Variants in MDGA2 observed in about 807,000 individuals in gnomAD.
MDGA2 encodes the protein MAM domain-containing glycosylphosphatidylinositol anchor protein 2.
A neutral mutation model predicts 117.8 loss-of-function variants in MDGA2; 40 were observed. The observed-to-expected ratio is 0.34, with a 90% CI of 0.26 to 0.44. The LOEUF (loss-of-function observed/expected upper bound fraction) is 0.44. MDGA2 is among the 20% of genes least tolerant of loss of function. The pLI is 1.00. For synonymous variants in MDGA2, 452 were observed against 439.0 expected (o/e 1.03, Z -0.37); for missense variants, 1,123 against 1,250.6 (o/e 0.90, Z 1.54).
chr14:47,048,631 T>A (rs182508882), intron 7 of MDGA2, among the ~76,000 whole-genome samples: 2 of 152,126 alleles, frequency 1.3e-5, no homozygotes, highest in East Asian at 3.9e-4. Context: ...ACTGCCACCT[T>A]AATAAACATT....
intron 8 of MDGA2, among the ~76,000 whole-genome samples, chr14:46,996,037 G>T (rs569220882): frequency 6.6e-6 from 1 of 151,972 alleles, no homozygotes; most frequent in African/African-American, 2.4e-5. Flanking sequence ...CTAAGCCTGT[G>T]GTCATAAAAG....
intron 1 of MDGA2, among the ~76,000 whole-genome samples, chr14:47,305,899 T>G (rs979033654): frequency 6.6e-6 from 1 of 152,204 alleles, no homozygotes; most frequent in Non-Finnish European, 1.5e-5. Flanking sequence ...TCAGTGACAT[T>G]TAACCTAAGT....
chr14:47,143,972 G>T, intron 4 of MDGA2, 106 bp downstream of exon 4: 1 of 824,784 alleles, frequency 1.2e-6, no homozygotes, highest in Non-Finnish European at 1.8e-6. Context: ...TTTTTGAAAG[G>T]CCAGAATAGA....
chr14:47,626,107 C>G (rs1053424595), intron 1 of MDGA2, among the ~76,000 whole-genome samples: 3 of 152,184 alleles, frequency 2.0e-5, no homozygotes, highest in African/African-American at 7.2e-5. Context: ...TGATTAGATG[C>G]CCTCTTGGGT....
rs377206990 is a variant in MDGA2 at position 47,634,034 on chromosome 14, G to A, written c.280+40483C>T. Among the ~76,000 whole-genome samples the A allele has an allele frequency of 2.2e-3, 339 of 152,230 alleles. 10 individuals carry two copies. In the South Asian group the frequency reaches 0.03, roughly 13 times the overall value. Reference sequence around the variant, plus strand: ...TGTAGCCAGTAAGTGGATCCTTTAAGAAAGAAAATAAAGTACATATCTTTT... The same window carrying A: ...TGTAGCCAGTAAGTGGATCCTTTAAAAAAGAAAATAAAGTACATATCTTTT... On this transcript the variant is annotated intron_variant, in intron 1 of 16. Coordinates refer to ENST00000399232, the MANE Select transcript of MDGA2 (RefSeq NM_001113498.3).
At chr14:46,933,976 G>A (rs894260677) in intron 9 of MDGA2, among the ~76,000 whole-genome samples, 4 of 150,890 alleles carry the variant, frequency 2.7e-5, no homozygotes, top group African/African-American at 9.7e-5. Flanking sequence ...TGAAAAATAT[G>A]AGTAATACAT....
At chr14:46,939,750 T>C (rs192791342) in intron 9 of MDGA2, among the ~76,000 whole-genome samples, 4 of 152,318 alleles carry the variant, frequency 2.6e-5, no homozygotes, top group African/African-American at 9.6e-5. Context: ...CATTTTGTCC[T>C]TTCACAGACT....
At chr14:47,563,578 G>GTTTTTTTTTTTTTTTTTT (rs56244321) in intron 1 of MDGA2, among the ~76,000 whole-genome samples, 3 of 56,974 alleles carry the variant, frequency 5.3e-5, no homozygotes, top group Admixed American at 1.8e-4. Flanking sequence ...GCTTTTTTCT[G>GTTTTTTTTTTTTTTTTTT]TTTTTTTTTT....
At chr14:47,011,898 T>C (rs1887907157) in intron 8 of MDGA2, among the ~76,000 whole-genome samples, 1 of 152,040 alleles carries the variant, frequency 6.6e-6, no homozygotes, top group African/African-American at 2.4e-5. Context: ...GGTTCTCTCT[T>C]TGCTGTTTTT....
intron 2 of MDGA2, among the ~76,000 whole-genome samples, chr14:47,237,538 T>G (rs962335578): frequency 6.6e-6 from 1 of 152,194 alleles, no homozygotes; most frequent in African/African-American, 2.4e-5. Context: ...CTTTCTGGAA[T>G]GGTCACAGAT....
At chr14:47,070,178 A>G (rs1201719070) in intron 6 of MDGA2, among the ~76,000 whole-genome samples, 1 of 152,044 alleles carries the variant, frequency 6.6e-6, no homozygotes, top group Non-Finnish European at 1.5e-5. Context: ...CTTTATAACT[A>G]TTTTTTATAC....
At chr14:47,075,029 C>A (rs1890440265) in intron 6 of MDGA2, among the ~76,000 whole-genome samples, 2 of 152,094 alleles carry the variant, frequency 1.3e-5, no homozygotes, top group Admixed American at 1.3e-4. Flanking sequence ...TCCACATAAT[C>A]AAACCTTTCC....
intron 1 of MDGA2, among the ~76,000 whole-genome samples, chr14:47,351,176 G>C (rs1464295851): frequency 1.3e-5 from 2 of 151,432 alleles, no homozygotes; most frequent in Non-Finnish European, 2.9e-5. Context: ...CTGCCTCCCG[G>C]GTTCAAGCGA....
intron 1 of MDGA2, among the ~76,000 whole-genome samples, chr14:47,486,827 G>A (rs896667004): frequency 2.0e-5 from 3 of 152,108 alleles, no homozygotes; most frequent in Admixed American, 2.0e-4. Flanking sequence ...TGATTGTGAG[G>A]CTTCCTCAGC....
At chr14:46,877,548 A>G in intron 11 of MDGA2, 39 bp from the exon 12 acceptor site, 1 of 1,452,882 alleles carries the variant, frequency 6.9e-7, no homozygotes. Context: ...ACAAAAAAAC[A>G]ATGTTAGCAT....
intron 1 of MDGA2, among the ~76,000 whole-genome samples, chr14:47,329,297 A>G (rs574339880): frequency 4.0e-4 from 61 of 152,198 alleles, no homozygotes; most frequent in Non-Finnish European, 1.5e-4. Context: ...GTTAGACTAG[A>G]TATTTATTTT....
At chr14:47,134,531 G>A (rs1009888614) in intron 4 of MDGA2, among the ~76,000 whole-genome samples, 5 of 151,700 alleles carry the variant, frequency 3.3e-5, no homozygotes, top group African/African-American at 1.2e-4. Flanking sequence ...TGTGCTTTTA[G>A]GTTTGGAAGG....
At chr14:47,650,695 A>C (rs1897623917) in intron 1 of MDGA2, among the ~76,000 whole-genome samples, 1 of 152,208 alleles carries the variant, frequency 6.6e-6, no homozygotes, top group Admixed American at 6.5e-5. Context: ...AGGTTGGAAA[A>C]ATGCATAAAT....
chr14:47,196,691 AG>A (rs1885299312), intron 3 of MDGA2, among the ~76,000 whole-genome samples: 1 of 152,176 alleles, frequency 6.6e-6, no homozygotes, highest in African/African-American at 2.4e-5. Context: ...TTAGGTTCAA[AG>A]GAATATGTGT....
Sources: allele counts gnomAD v4.1 joint callset (sites outside exome capture counted in the v4.1 genomes callset), GRCh38; gene constraint gnomAD v4.1.1; transcripts MANE v1.5; gene names NCBI Gene and HGNC (gene_info 2026-07-23, HGNC 2026-07-21).